The following PANK1 variants were observed in gnomAD, a reference collection of about 807,000 sequenced individuals.
The protein encoded by PANK1 is pantothenate kinase 1, also known as pantothenic acid kinase 1.
PANK1 carries 18 observed loss-of-function variants against 40.1 expected under a neutral mutation model. The ratio of observed to expected loss-of-function variants is 0.45; its 90% CI spans 0.31 to 0.67. The LOEUF is 0.67. PANK1 is among the 30% of genes least tolerant of loss of function. The probability of loss-of-function intolerance (pLI) is 0.06; values close to 1 mark genes in which losing one functional copy is unlikely to be tolerated. For synonymous variants in PANK1, 242 were observed against 237.7 expected, an observed-to-expected ratio of 1.02 and a Z score of -0.17; for missense variants, 457 against 599.6, an observed-to-expected ratio of 0.76 and a Z score of 2.48.
chr10:89,611,196 G>A (rs1008989679), intron 2 of PANK1, among the ~76,000 whole-genome samples: 11 of 152,112 alleles, frequency 7.2e-5, no homozygotes, highest in Non-Finnish European at 1.6e-4. Context: ...TTTCATTTTT[G>A]TTTGTGAGCA....
At chr10:89,631,994 G>T (rs1011892925) in intron 1 of PANK1, among the ~76,000 whole-genome samples, 3 of 130,866 alleles carry the variant, frequency 2.3e-5, no homozygotes, top group African/African-American at 8.0e-5. Context: ...TTTTAAAAAG[G>T]GTTCTTTTCT....
At chr10:89,602,611 A>G (rs1366049057) in intron 2 of PANK1, among the ~76,000 whole-genome samples, 2 of 152,156 alleles carry the variant, frequency 1.3e-5, no homozygotes, top group Admixed American at 1.3e-4. Context: ...GGAAAGCTTA[A>G]AACAGCATGT....
At chr10:89,586,961 A>G (rs11185770) in intron 6 of PANK1, among the ~76,000 whole-genome samples, 20,601 of 152,032 alleles carry the variant, frequency 0.14, 1,584 homozygotes, top group Middle Eastern at 0.2. Flanking sequence ...ACCCTCTACT[A>G]AAAATATGAA....
rs1205846768 is a variant in PANK1 at position 89,645,206 on chromosome 10, G to A, written c.-315C>T. The stretch of plus-strand genomic sequence containing the variant: ...CCCGCCTTCCCCTGATCCCCAGGCC[G>A]CGCGACTTCAAACGCGGCTTCCTCG... On this transcript the variant is annotated 5_prime_UTR_variant, in exon 1 of 7. Coordinates refer to ENST00000307534, the MANE Select transcript of PANK1 (RefSeq NM_148977.3). The A allele has an allele frequency of 9.4e-6, 15 of 1,596,692 alleles. No individual in the cohort carries two copies. Among genetic ancestry groups the A allele is most frequent in the East Asian group, 7.1e-5 (3 of 42,056 alleles).
At chr10:89,601,734 G>A (rs1020358524) in intron 2 of PANK1, among the ~76,000 whole-genome samples, 1 of 152,118 alleles carries the variant, frequency 6.6e-6, no homozygotes, top group Non-Finnish European at 1.5e-5. Flanking sequence ...CCTCATAAAT[G>A]GTTCTAAACA....
At chr10:89,616,687 C>T (rs1845329886) in intron 1 of PANK1, among the ~76,000 whole-genome samples, 1 of 152,080 alleles carries the variant, frequency 6.6e-6, no homozygotes, top group Non-Finnish European at 1.5e-5. Context: ...CTTTGGGAGG[C>T]CCAGGCAGGC....
At chr10:89,590,121 A>G (rs1251245370) in intron 5 of PANK1, among the ~76,000 whole-genome samples, 2 of 152,052 alleles carry the variant, frequency 1.3e-5, no homozygotes, top group Non-Finnish European at 2.9e-5. Flanking sequence ...TAGAAAATGC[A>G]TAATAAAGGA....
At chr10:89,628,486 A>G (rs900078305) in intron 1 of PANK1, among the ~76,000 whole-genome samples, 12 of 145,736 alleles carry the variant, frequency 8.2e-5, no homozygotes, top group African/African-American at 2.9e-4. Flanking sequence ...GCAAAACTCT[A>G]GAGACAGAAA....
chr10:89,645,149 T>C lies in PANK1; in HGVS notation c.-258A>G, dbSNP rs1000225933. The C allele has an allele frequency of 2.4e-5, 36 of 1,520,860 alleles. No homozygotes were observed. In the African/African-American group the frequency reaches 4.3e-4, roughly 18 times the overall value. The allele number at this position is 1,520,860 out of a possible 1,614,324, so 94.2% of individuals were successfully genotyped here. On this transcript the variant is annotated 5_prime_UTR_variant, in exon 1 of 7. Coordinates refer to ENST00000307534, the MANE Select transcript of PANK1 (RefSeq NM_148977.3). ...CCAGCCCCGGGCGCGGAATCGGGGA[T>C]CCCCGCGCACCCCCAGCCGGGGCTC...
intron 2 of PANK1, among the ~76,000 whole-genome samples, chr10:89,607,352 G>C (rs1349328437): frequency 2.0e-5 from 3 of 152,194 alleles, no homozygotes; most frequent in African/African-American, 7.2e-5. Context: ...TATCAATTAA[G>C]TTTGCCATCT....
In PANK1 at chr10:89,584,333, A is replaced by T; in HGVS notation, c.*73T>A. ...ATGGCTTGGCTTCCGTCCCAAAGCG[A>T]CTTTCACCTTCTCCAGCAGCAATTT... On this transcript the variant is annotated 3_prime_UTR_variant, in exon 7 of 7. Coordinates refer to ENST00000307534, the MANE Select transcript of PANK1 (RefSeq NM_148977.3). 1.1e-6 allele frequency: 1 copy of T among 952,100 alleles called. No individual in the cohort carries two copies. The highest frequency in any genetic ancestry group is 1.7e-6 in the Non-Finnish European group (1 of 582,308). 59.0% of individuals were successfully genotyped at this position (952,100 alleles called of 1,614,324 possible). A position where few individuals can be genotyped will look rare whatever the true frequency, so the allele number is the denominator to read the frequency against.
intron 1 of PANK1, among the ~76,000 whole-genome samples, chr10:89,623,213 TTTTTG>T (rs996436405): frequency 7.9e-5 from 12 of 152,084 alleles, no homozygotes; most frequent in Non-Finnish European, 2.9e-5. Flanking sequence ...TTTTCTTATT[TTTTTG>T]TTTTGTTTTG....
At chr10:89,597,971 G>C (rs1257319574) in intron 3 of PANK1, among the ~76,000 whole-genome samples, 3 of 152,140 alleles carry the variant, frequency 2.0e-5, no homozygotes, top group Non-Finnish European at 4.4e-5. Flanking sequence ...CCTATACTCT[G>C]GACACAAGTA....
At chr10:89,595,873 T>TATATATAAAA (rs781450193) in intron 3 of PANK1, among the ~76,000 whole-genome samples, 8 of 81,486 alleles carry the variant, frequency 9.8e-5, no homozygotes, top group South Asian at 4.9e-4. Flanking sequence ...TATATATATA[T>TATATATAAAA]AACTTCATTT....
In PANK1 at chr10:89,598,115, CT is replaced by C. The variant is rs1174228945; in HGVS notation, c.899+1136del. Among the ~76,000 whole-genome samples, 14 of 152,290 alleles carry C rather than the reference CT, an allele frequency of 9.2e-5. No individual in the cohort carries two copies. The South Asian group carries it at 2.7e-3, about 29-fold the overall frequency. ...GTACTATAGGATTTTGGCAGCACCCCTGACCTCTACCCACTAGATGCCAGTT... is the reference window on the plus strand; with the variant it reads ...GTACTATAGGATTTTGGCAGCACCCCGACCTCTACCCACTAGATGCCAGTT... On this transcript the variant is annotated intron_variant, in intron 3 of 6. Transcript: ENST00000307534.
intron 1 of PANK1, among the ~76,000 whole-genome samples, chr10:89,621,146 A>G (rs1054631829): frequency 1.3e-5 from 2 of 152,152 alleles, no homozygotes; most frequent in African/African-American, 2.4e-5. Flanking sequence ...TACTAAAAAT[A>G]CAAAATTAGC....
chr10:89,620,291 A>G (rs938494348), intron 1 of PANK1, among the ~76,000 whole-genome samples: 7 of 152,212 alleles, frequency 4.6e-5, no homozygotes, highest in Admixed American at 2.6e-4. Context: ...GGCAGAACAG[A>G]GTCATATTTC....
intron 2 of PANK1, among the ~76,000 whole-genome samples, chr10:89,602,068 T>C (rs558382828): frequency 6.6e-6 from 1 of 152,348 alleles, no homozygotes; most frequent in African/African-American, 2.4e-5. Flanking sequence ...AACTGAAAAG[T>C]AGCAATTTCA....
chr10:89,638,829 T>C (rs1338782592), intron 1 of PANK1, among the ~76,000 whole-genome samples: 1 of 152,252 alleles, frequency 6.6e-6, no homozygotes, highest in Non-Finnish European at 1.5e-5. Context: ...CACCATCACA[T>C]AAGTAATCTC....
Sources: gnomAD v4.1 joint callset for allele counts (sites outside exome capture counted in the v4.1 genomes callset) on GRCh38, gnomAD v4.1.1 for gene constraint, MANE v1.5 for transcripts, NCBI Gene and HGNC (gene_info 2026-07-23, HGNC 2026-07-21) for gene names.